Variants in PAK6 observed in about 807,000 individuals in gnomAD.
The protein encoded by PAK6 is p21 (RAC1) activated kinase 6.
PAK6 carries 33 observed loss-of-function variants against 60.8 expected under a neutral mutation model. The ratio of observed to expected loss-of-function variants is 0.54; its 90% CI spans 0.41 to 0.73. The LOEUF (loss-of-function observed/expected upper bound fraction) is 0.73, where lower values mean the gene tolerates loss of function less well. Ranked by LOEUF, PAK6 falls within the 30% of genes least tolerant of loss-of-function variation. PAK6 has a pLI of 0.00. For missense variants in PAK6, 845 were observed against 904.1 expected, an observed-to-expected ratio of 0.93 and a Z score of 0.84; for synonymous variants, 404 against 378.5, an observed-to-expected ratio of 1.07 and a Z score of -0.78.
chr15:40,270,958 G>C (rs2140989390), intron 5 of PAK6, among the ~76,000 whole-genome samples: 1 of 152,324 alleles, frequency 6.6e-6, no homozygotes, highest in Middle Eastern at 3.4e-3. Context: ...TGGGGCCCAA[G>C]GCCCAGATTT....
intron 3 of PAK6, chr15:40,264,507 C>G (rs1341372491): frequency 1.7e-6 from 1 of 580,930 alleles, no homozygotes; most frequent in Admixed American, 2.2e-5. Context: ...AGTCTGCCTG[C>G]TCCATAGGGG....
intron 2 of PAK6, chr15:40,252,491 C>A: frequency 7.3e-7 from 1 of 1,363,466 alleles, no homozygotes; most frequent in Non-Finnish European, 9.8e-7. Context: ...CACTTGGCAA[C>A]TTCTCCCGCG....
At chr15:40,262,859 A>G (rs2039018907) in intron 3 of PAK6, among the ~76,000 whole-genome samples, 1 of 147,640 alleles carries the variant, frequency 6.8e-6, no homozygotes, top group South Asian at 2.2e-4. Flanking sequence ...AGATCATTTC[A>G]GTTATTTGTT....
At chr15:40,275,705 C>T (rs1453668378) in intron 10 of PAK6, among the ~76,000 whole-genome samples, 3 of 152,134 alleles carry the variant, frequency 2.0e-5, no homozygotes, top group Non-Finnish European at 2.9e-5. Flanking sequence ...CCTGAGATCA[C>T]GGATAGAGCC....
At chr15:40,264,464 T>C (rs1183581759) in intron 3 of PAK6, 2 of 508,998 alleles carry the variant, frequency 3.9e-6, no homozygotes, top group Non-Finnish European at 3.8e-6. Context: ...ATACTTGTAA[T>C]GGGCTTTGGA....
At chr15:40,244,882 A>C (rs942781730) in intron 2 of PAK6, 1 of 152,254 alleles carries the variant, frequency 6.6e-6, no homozygotes, top group Admixed American at 6.5e-5. Context: ...CAGCCCCAGC[A>C]AAGGGACACC....
chr15:40,266,545 G>A lies in PAK6; in HGVS notation c.858+50G>A, dbSNP rs567865492. The A allele has an allele frequency of 2.0e-6, 3 of 1,497,040 alleles. No individual in the cohort carries two copies. The African/African-American group carries it at 4.2e-5, about 21-fold the overall frequency. 92.7% of individuals were successfully genotyped at this position (1,497,040 alleles called of 1,614,324 possible). A position where few individuals can be genotyped will look rare whatever the true frequency, so the allele number is the denominator to read the frequency against. Reference sequence around the variant, plus strand: ...GTGTCCACTGGGGAGTGGGTGTAGGGACACAGGCCTTGCCTAGCCTTCCCC... The same window carrying A: ...GTGTCCACTGGGGAGTGGGTGTAGGAACACAGGCCTTGCCTAGCCTTCCCC... On this transcript the variant is annotated intron_variant, in intron 5 of 10. Transcript: ENST00000560346.
intron 4 of PAK6, 149 bp downstream of exon 4, chr15:40,265,138 C>G (rs1390289222): frequency 1.4e-5 from 11 of 778,914 alleles, no homozygotes; most frequent in Non-Finnish European, 2.0e-5. Flanking sequence ...GTCAGCCTGC[C>G]ATTCTCTCCC....
rs553756856 is a variant in PAK6, at chr15:40,263,635, GAC to G, written c.-5-1144_-5-1143del. Among the ~76,000 whole-genome samples the G allele has an allele frequency of 2.4e-3, 368 of 152,254 alleles. 5 individuals carry two copies. Among genetic ancestry groups the G allele is most frequent in the African/African-American group, 8.3e-3 (344 of 41,552 alleles). On this transcript the variant is annotated intron_variant, in intron 3 of 10. Coordinates refer to ENST00000560346, the Ensembl canonical transcript of PAK6. ...AAGTGTTTTATTGTTTGTTTTTTGAGACAGAGTCTCATTCTGTTGCCCAGGCT... is the reference window on the plus strand; with the variant it reads ...AAGTGTTTTATTGTTTGTTTTTTGAGAGAGTCTCATTCTGTTGCCCAGGCT...
At chr15:40,268,469 G>C (rs962983529) in intron 5 of PAK6, among the ~76,000 whole-genome samples, 4 of 152,316 alleles carry the variant, frequency 2.6e-5, no homozygotes, top group African/African-American at 9.6e-5. Flanking sequence ...TTCAATAACA[G>C]ATGGGGAGCA....
At chr15:40,260,296 TC>T (rs2038950003) in intron 3 of PAK6, 1 of 152,196 alleles carries the variant, frequency 6.6e-6, no homozygotes. Context: ...AGCTCATTCT[TC>T]CGGGTTTATT....
chr15:40,260,950 C>A (rs1252626778), intron 3 of PAK6, among the ~76,000 whole-genome samples: 1 of 151,520 alleles, frequency 6.6e-6, no homozygotes, highest in Non-Finnish European at 1.5e-5. Context: ...ATGCAGTGGC[C>A]TGATCTCAGC....
chr15:40,277,004 C>G (rs2039474811), exon 11 of PAK6: 1 of 152,160 alleles, frequency 6.6e-6, no homozygotes, highest in South Asian at 2.1e-4. Context: ...CTGAGCTTCT[C>G]CTGTACTGTG....
exon 11 of PAK6, chr15:40,276,205 GA>G (rs1180490524): frequency 3.7e-6 from 4 of 1,076,254 alleles, no homozygotes; most frequent in Non-Finnish European, 5.5e-6. Context: ...TCCAAAGATT[GA>G]AATGTGAAGC....
At chr15:40,257,380 T>C (rs2038865723) in intron 3 of PAK6, among the ~76,000 whole-genome samples, 1 of 152,200 alleles carries the variant, frequency 6.6e-6, no homozygotes, top group Non-Finnish European at 1.5e-5. Flanking sequence ...ATCCCTTCGG[T>C]GGGCTGTGTC....
At chr15:40,252,383 GA>G in intron 2 of PAK6, 1 of 1,326,164 alleles carries the variant, frequency 7.5e-7, no homozygotes, top group Non-Finnish European at 9.9e-7. Context: ...GCCCGGAGGC[GA>G]AGGGCGGGCG....
At chr15:40,241,456 GAGCTCATCT>G (rs61621463) in intron 2 of PAK6, among the ~76,000 whole-genome samples, 76,630 of 151,592 alleles carry the variant, frequency 0.51, 20,118 homozygotes, top group East Asian at 0.71. Context: ...AGCCCCACGG[GAGCTCATCT>G]AGCTGGGGTT....
chr15:40,271,892 G>A (rs957297283), intron 5 of PAK6, among the ~76,000 whole-genome samples: 2 of 152,222 alleles, frequency 1.3e-5, no homozygotes, highest in Non-Finnish European at 2.9e-5. Flanking sequence ...GCCTCCCTGG[G>A]GTCTAGCTGT....
At chr15:40,266,487 C>A in exon 5 of PAK6, 1 of 1,603,616 alleles carries the variant, frequency 6.2e-7, no homozygotes. Context: ...CCCTCCACCA[C>A]AGAGCAAGGT....
Sources: gnomAD v4.1 joint callset for allele counts (sites outside exome capture counted in the v4.1 genomes callset) on GRCh38, gnomAD v4.1.1 for gene constraint, MANE v1.5 for transcripts, NCBI Gene and HGNC (gene_info 2026-07-23, HGNC 2026-07-21) for gene names.